Variants in SPOPL observed in about 807,000 individuals in gnomAD.
SPOPL encodes the protein speckle type BTB/POZ protein like.
In SPOPL, 23 loss-of-function variants were observed where a neutral mutation model predicts 53.8. The ratio of observed to expected loss-of-function variants is 0.43; its 90% confidence interval spans 0.31 to 0.61. The LOEUF (loss-of-function observed/expected upper bound fraction) is 0.61. Ranked by LOEUF, SPOPL falls within the 20% of genes least tolerant of loss-of-function variation. The pLI is 0.12. For synonymous variants in SPOPL, 164 were observed against 149.7 expected (o/e 1.10, Z -0.70); for missense variants, 442 against 466.9 (o/e 0.95, Z 0.49).
At chr2:138,532,380 T>A (rs867238895) in intron 1 of SPOPL, among the ~76,000 whole-genome samples, 66 of 151,848 alleles carry the variant, frequency 4.3e-4, no homozygotes, top group African/African-American at 1.6e-3. Flanking sequence ...GAAAAGTGGC[T>A]GTAGTCTGTC....
Position 138,573,050 on chromosome 2 carries a change from G to C in SPOPL, c.*3970G>C, listed in dbSNP as rs772437690. On this transcript the variant is annotated 3_prime_UTR_variant, in exon 11 of 11. Coordinates refer to ENST00000280098, the MANE Select transcript of SPOPL (RefSeq NM_001001664.3). ...TTCTGCAAAAATTATTTAAAAATTA[G>C]TTCTTGGGGAAATTGATTTTCAAGA... 1 of 152,012 alleles carries C rather than the reference G, an allele frequency of 6.6e-6. No individual in the cohort carries two copies. Among genetic ancestry groups the C allele is most frequent in the Non-Finnish European group, 1.5e-5 (1 of 67,980 alleles). The allele number at this position is 152,012 out of a possible 1,614,324, so 9.4% of individuals were successfully genotyped here.
intron 5 of SPOPL, among the ~76,000 whole-genome samples, chr2:138,557,574 A>C (rs1158546443): frequency 6.6e-6 from 1 of 152,092 alleles, no homozygotes. Flanking sequence ...TGCATAGTTT[A>C]CTGTATATAT....
chr2:138,520,950 C>G (rs1684544394), intron 1 of SPOPL, among the ~76,000 whole-genome samples: 1 of 152,080 alleles, frequency 6.6e-6, no homozygotes, highest in African/African-American at 2.4e-5. Context: ...TCTTATATGC[C>G]TTGTTTATAC....
intron 1 of SPOPL, among the ~76,000 whole-genome samples, chr2:138,514,277 T>C (rs531316355): frequency 6.6e-6 from 1 of 152,256 alleles, no homozygotes; most frequent in African/African-American, 2.4e-5. Context: ...AAAATTAATA[T>C]TGGTTTGGCC....
intron 1 of SPOPL, among the ~76,000 whole-genome samples, chr2:138,535,418 C>G (rs780521063): frequency 1.3e-5 from 2 of 151,988 alleles, no homozygotes; most frequent in Non-Finnish European, 2.9e-5. Context: ...TTTGAGGAAT[C>G]CTTAAACTGT....
At chr2:138,568,458 C>T (rs867478051) in intron 10 of SPOPL, among the ~76,000 whole-genome samples, 15 of 152,016 alleles carry the variant, frequency 9.9e-5, no homozygotes, top group Non-Finnish European at 1.5e-4. Flanking sequence ...CAAGTGGCTG[C>T]GAATGAACCT....
intron 1 of SPOPL, among the ~76,000 whole-genome samples, chr2:138,543,291 G>C (rs1200448640): frequency 1.3e-5 from 2 of 152,184 alleles, no homozygotes; most frequent in Middle Eastern, 3.2e-3. Context: ...TGCCTTGCTA[G>C]ATTGGGGAAG....
chr2:138,573,043 A>G lies in SPOPL; in HGVS notation c.*3963A>G, dbSNP rs1360294720. 2.0e-5 allele frequency: 3 copies of G among 152,150 alleles called. No individual in the cohort carries two copies. The highest frequency in any genetic ancestry group is 7.2e-5 in the African/African-American group (3 of 41,450). The allele number at this position is 152,150 out of a possible 1,614,324, so 9.4% of individuals were successfully genotyped here. A position where few individuals can be genotyped will look rare whatever the true frequency, so the allele number is the denominator to read the frequency against. ...AATGAAATTCTGCAAAAATTATTTAAAAATTAGTTCTTGGGGAAATTGATT... is the reference window on the plus strand; with the variant it reads ...AATGAAATTCTGCAAAAATTATTTAGAAATTAGTTCTTGGGGAAATTGATT... On this transcript the variant is annotated 3_prime_UTR_variant, in exon 11 of 11. Coordinates refer to ENST00000280098, the MANE Select transcript of SPOPL (RefSeq NM_001001664.3).
intron 1 of SPOPL, among the ~76,000 whole-genome samples, chr2:138,524,273 G>A (rs1684621990): frequency 6.6e-6 from 1 of 152,182 alleles, no homozygotes; most frequent in Non-Finnish European, 1.5e-5. Flanking sequence ...GGGACCCAGA[G>A]CACCAAGTCC....
chr2:138,548,505 A>C (rs1685245977), intron 1 of SPOPL, among the ~76,000 whole-genome samples: 1 of 152,020 alleles, frequency 6.6e-6, no homozygotes, highest in Non-Finnish European at 1.5e-5. Flanking sequence ...CCACAAGAAA[A>C]GTATGAGAGT....
At chr2:138,511,417 A>C (rs1273591151) in intron 1 of SPOPL, among the ~76,000 whole-genome samples, 1 of 152,232 alleles carries the variant, frequency 6.6e-6, no homozygotes, top group Non-Finnish European at 1.5e-5. Flanking sequence ...TAACCTTTAC[A>C]TCAAATTTCC....
chr2:138,517,339 T>C (rs1341077736), intron 1 of SPOPL, among the ~76,000 whole-genome samples: 6 of 152,208 alleles, frequency 3.9e-5, no homozygotes, highest in African/African-American at 1.2e-4. Flanking sequence ...CTCTGACTGC[T>C]GCTTACTTTG....
chr2:138,557,354 C>T (rs1209679442), intron 5 of SPOPL, among the ~76,000 whole-genome samples: 4 of 152,022 alleles, frequency 2.6e-5, no homozygotes, highest in African/African-American at 4.8e-5. Context: ...AGGGCAAAAG[C>T]GGTTAATAAA....
chr2:138,570,943 G>A lies in SPOPL; in HGVS notation c.*1863G>A, dbSNP rs1233010353. On this transcript the variant is annotated 3_prime_UTR_variant, in exon 11 of 11. Coordinates refer to ENST00000280098, the MANE Select transcript of SPOPL (RefSeq NM_001001664.3). Reference sequence around the variant, plus strand: ...TTCTTTGTCGTGGTAACTTAAATTTGAAATTGGAAGAATCTCTTGGGATAG... The same window carrying A: ...TTCTTTGTCGTGGTAACTTAAATTTAAAATTGGAAGAATCTCTTGGGATAG... 1.3e-5 allele frequency: 2 copies of A among 152,050 alleles called. No homozygotes were observed. The highest frequency in any genetic ancestry group is 4.8e-5 in the African/African-American group (2 of 41,404). The allele number at this position is 152,050 out of a possible 1,614,324, so 9.4% of individuals were successfully genotyped here. A position where few individuals can be genotyped will look rare whatever the true frequency, so the allele number is the denominator to read the frequency against.
At chr2:138,565,243 G>A (rs2104906618) in intron 10 of SPOPL, among the ~76,000 whole-genome samples, 1 of 152,336 alleles carries the variant, frequency 6.6e-6, no homozygotes, top group South Asian at 2.1e-4. Context: ...GTATATAGCA[G>A]AGTCCAGGTA....
Position 138,550,239 on chromosome 2 carries a change from C to T in SPOPL, c.23C>T (p.Pro8Leu). 1.2e-6 allele frequency: 2 copies of T among 1,613,600 alleles called. No individual in the cohort carries two copies. Among genetic ancestry groups the T allele is most frequent in the Non-Finnish European group, 1.7e-6 (2 of 1,179,642 alleles). The stretch of plus-strand genomic sequence containing the variant: ...GTGATGTCTCGGGAACCCACCCCAC[C>T]TCTACCTGGAGATATGTCTACTGGT... Reference protein sequence around the residue: MSREPTPPLPGDMSTGPI... With the variant: MSREPTPLLPGDMSTGPI... The change falls in exon 2 of 11, where the codon CCT (proline) becomes CTT (leucine). Residue 8 changes from proline (P) to leucine (L), a missense_variant. Coordinates refer to ENST00000280098, the MANE Select transcript of SPOPL (RefSeq NM_001001664.3).
intron 1 of SPOPL, among the ~76,000 whole-genome samples, chr2:138,529,933 G>A (rs1288543536): frequency 2.0e-5 from 3 of 152,086 alleles, no homozygotes; most frequent in Non-Finnish European, 1.5e-5. Flanking sequence ...AGTTAGCCTA[G>A]TACCCATTAG....
intron 10 of SPOPL, among the ~76,000 whole-genome samples, chr2:138,567,281 T>G (rs1685680710): frequency 6.6e-6 from 1 of 151,834 alleles, no homozygotes; most frequent in African/African-American, 2.4e-5. Flanking sequence ...AGAGGTTACC[T>G]TGGTGAAGAA....
At chr2:138,559,482 A>C in intron 7 of SPOPL, 145 bp downstream of exon 7, 2 of 763,578 alleles carry the variant, frequency 2.6e-6, no homozygotes, top group East Asian at 2.7e-5. Context: ...AATGTGTTCT[A>C]TAATAGAACA....
Sources: gnomAD v4.1 joint callset for allele counts (sites outside exome capture counted in the v4.1 genomes callset) on GRCh38, gnomAD v4.1.1 for gene constraint, MANE v1.5 for transcripts, NCBI Gene and HGNC (gene_info 2026-07-23, HGNC 2026-07-21) for gene names.